The following TMPRSS15 variants were observed in gnomAD, a reference collection of about 807,000 sequenced individuals.
TMPRSS15 encodes the protein transmembrane serine protease 15, also known as enteropeptidase.
In TMPRSS15, 128 loss-of-function variants were observed where a neutral mutation model predicts 125.3. The ratio of observed to expected loss-of-function variants is 1.02; its 90% CI spans 0.89 to 1.18. The LOEUF (loss-of-function observed/expected upper bound fraction) is 1.18, where lower values mean the gene tolerates loss of function less well. Among genes scored for constraint, TMPRSS15 ranks in the 50% most tolerant of loss-of-function variants. The probability of loss-of-function intolerance (pLI) is 0.00; values close to 1 mark genes in which losing one functional copy is unlikely to be tolerated. For missense variants in TMPRSS15, 1,283 were observed against 1,212.7 expected (o/e 1.06, Z -0.86); for synonymous variants, 446 against 423.2 (o/e 1.05, Z -0.66).
At chr21:18,416,029 T>TA (rs1175268076) in intron 1 of TMPRSS15, among the ~76,000 whole-genome samples, 1 of 151,874 alleles carries the variant, frequency 6.6e-6, no homozygotes, top group Admixed American at 6.6e-5. Flanking sequence ...AAAAATAAGC[T>TA]AAAAAACAAT....
chr21:18,480,399 G>A (rs1171982905), intron 1 of TMPRSS15, among the ~76,000 whole-genome samples: 1 of 151,856 alleles, frequency 6.6e-6, no homozygotes, highest in East Asian at 1.9e-4. Context: ...GATTTTAGTA[G>A]ACTTTCTATA....
At chr21:18,435,047 C>T (rs891582280) in intron 1 of TMPRSS15, among the ~76,000 whole-genome samples, 3 of 152,188 alleles carry the variant, frequency 2.0e-5, no homozygotes, top group African/African-American at 7.2e-5. Flanking sequence ...CCTTTTATTT[C>T]ACTTACTTGA....
intron 6 of TMPRSS15, 147 bp downstream of exon 6, chr21:18,372,046 A>G (rs1001038556): frequency 9.6e-6 from 4 of 416,226 alleles, no homozygotes; most frequent in Non-Finnish European, 1.2e-5. Flanking sequence ...TATTTTAAAA[A>G]TAGCTATTTA....
At chr21:18,371,738 G>A (rs1277534316) in intron 6 of TMPRSS15, among the ~76,000 whole-genome samples, 1 of 152,024 alleles carries the variant, frequency 6.6e-6, no homozygotes, top group Admixed American at 6.6e-5. Context: ...AGTGAGTTAG[G>A]TACTGTTAAA....
chr21:18,482,740 TTGTC>T (rs1187879044), intron 1 of TMPRSS15, among the ~76,000 whole-genome samples: 2 of 151,698 alleles, frequency 1.3e-5, no homozygotes, highest in African/African-American at 4.8e-5. Context: ...CTTATTTAAA[TTGTC>T]TGTGCCTTGG....
At chr21:18,382,893 T>A (rs1372430189) in intron 4 of TMPRSS15, among the ~76,000 whole-genome samples, 1 of 152,172 alleles carries the variant, frequency 6.6e-6, no homozygotes, top group Admixed American at 6.5e-5. Context: ...ACAATCGTAT[T>A]TTTTATTATT....
chr21:18,365,658 CCTT>C, intron 6 of TMPRSS15, among the ~76,000 whole-genome samples: 1 of 116,588 alleles, frequency 8.6e-6, no homozygotes, highest in Admixed American at 8.9e-5. Context: ...TCCCTTCCTT[CCTT>C]CCTTCCTTCC....
chr21:18,290,762 T>C (rs2074823916), intron 21 of TMPRSS15, among the ~76,000 whole-genome samples: 1 of 152,150 alleles, frequency 6.6e-6, no homozygotes, highest in African/African-American at 2.4e-5. Context: ...CTGTAGGAAG[T>C]GTCCTGTTTT....
chr21:18,317,410 A>G (rs889452518), intron 16 of TMPRSS15, among the ~76,000 whole-genome samples: 1 of 142,008 alleles, frequency 7.0e-6, no homozygotes, highest in African/African-American at 2.6e-5. Context: ...TTTCTAAAAA[A>G]TATATTGAAT....
intron 1 of TMPRSS15, among the ~76,000 whole-genome samples, chr21:18,433,466 G>A (rs2076220679): frequency 6.6e-6 from 1 of 151,834 alleles, no homozygotes; most frequent in Non-Finnish European, 1.5e-5. Flanking sequence ...GCAGACGAGG[G>A]CAGATTGCTT....
intron 1 of TMPRSS15, among the ~76,000 whole-genome samples, chr21:18,420,915 T>C (rs2076190828): frequency 6.6e-6 from 1 of 152,200 alleles, no homozygotes; most frequent in Non-Finnish European, 1.5e-5. Flanking sequence ...AAAACATCAT[T>C]CCTAAATATC....
intron 1 of TMPRSS15, among the ~76,000 whole-genome samples, chr21:18,433,636 C>A (rs527648018): frequency 6.3e-4 from 77 of 121,778 alleles, no homozygotes; most frequent in Non-Finnish European, 1.1e-3. Flanking sequence ...TGCACTCCAG[C>A]CTGGGTGAGA....
At chr21:18,349,221 T>G (rs2075539577) in intron 10 of TMPRSS15, among the ~76,000 whole-genome samples, 1 of 152,188 alleles carries the variant, frequency 6.6e-6, no homozygotes, top group South Asian at 2.1e-4. Flanking sequence ...GAACCTCATT[T>G]GTCCTGAGCC....
chr21:18,274,904 T>C (rs1375809935), intron 24 of TMPRSS15, among the ~76,000 whole-genome samples: 1 of 152,210 alleles, frequency 6.6e-6, no homozygotes, highest in African/African-American at 2.4e-5. Flanking sequence ...AGGTGCACAC[T>C]TTCTGGCTCA....
At chr21:18,391,371 G>T (rs575607749) in intron 3 of TMPRSS15, among the ~76,000 whole-genome samples, 10 of 152,318 alleles carry the variant, frequency 6.6e-5, no homozygotes, top group Non-Finnish European at 1.3e-4. Context: ...CTGAATAAAT[G>T]CTACCATTCC....
chr21:18,428,397 A>G (rs1444692905), intron 1 of TMPRSS15, among the ~76,000 whole-genome samples: 1 of 152,208 alleles, frequency 6.6e-6, no homozygotes, highest in Non-Finnish European at 1.5e-5. Flanking sequence ...ATAAGTAACA[A>G]GGAGCCAAAT....
At chr21:18,485,064 A>T (rs992490213) in intron 1 of TMPRSS15, among the ~76,000 whole-genome samples, 5 of 151,882 alleles carry the variant, frequency 3.3e-5, no homozygotes, top group African/African-American at 4.8e-5. Context: ...TAATGTTTTA[A>T]TATAGTTCTT....
intron 1 of TMPRSS15, among the ~76,000 whole-genome samples, chr21:18,409,838 C>T: frequency 8.3e-6 from 1 of 119,770 alleles, no homozygotes; most frequent in Non-Finnish European, 1.7e-5. Flanking sequence ...TCACCCCTCC[C>T]TCCTTTCCCC....
chr21:18,405,595 G>T (rs1327927003), upstream of TMPRSS15, among the ~76,000 whole-genome samples: 3 of 152,144 alleles, frequency 2.0e-5, no homozygotes, highest in Non-Finnish European at 4.4e-5. Context: ...AGTGTGATTT[G>T]CATATGGAAA....
Sources: allele counts gnomAD v4.1 joint callset (sites outside exome capture counted in the v4.1 genomes callset), GRCh38; gene constraint gnomAD v4.1.1; transcripts MANE v1.5; gene names NCBI Gene and HGNC (gene_info 2026-07-23, HGNC 2026-07-21).